Variants in RC3H1 observed in about 807,000 individuals in gnomAD.
RC3H1 encodes roquin-1.
In RC3H1, 50 loss-of-function variants were observed where a neutral mutation model predicts 138.2. The observed-to-expected ratio is 0.36, with a 90% CI of 0.29 to 0.46. The LOEUF (loss-of-function observed/expected upper bound fraction) is 0.46. Ranked by LOEUF, RC3H1 falls within the 20% of genes least tolerant of loss-of-function variation. The pLI, the probability that RC3H1 is intolerant of heterozygous loss-of-function variation, is 1.00. For synonymous variants in RC3H1, 462 were observed against 489.1 expected, an observed-to-expected ratio of 0.94 and a Z score of 0.73; for missense variants, 1,031 against 1,388.1, an observed-to-expected ratio of 0.74 and a Z score of 4.09.
In RC3H1 at chr1:173,938,818, T is replaced by C; in HGVS notation, c.3305A>G (p.Asn1102Ser). The C allele has an allele frequency of 1.2e-6, 2 of 1,613,812 alleles. No individual in the cohort carries two copies. Among genetic ancestry groups the C allele is most frequent in the Middle Eastern group, 1.7e-4 (1 of 6,058 alleles). The part of the protein sequence containing the change: ...LTQENISLLS[N>S]KTSSLNLSED... ...TGACAGGTTCAGAGAGCTGGTCTTGTTTGATAGGAGGCTGATATTCTCTTG... is the reference window on the plus strand; with the variant it reads ...TGACAGGTTCAGAGAGCTGGTCTTGCTTGATAGGAGGCTGATATTCTCTTG... Residue 1102 changes from asparagine to serine, a missense_variant, in exon 20 of 20, where the codon AAC (asparagine) becomes AGC (serine). Physicochemically the swap from Asn to Ser is conservative, Grantham distance 46. This residue lies in a region of RC3H1 where 716 missense variants were observed against 837.9 expected (regional missense o/e 0.85). Coordinates refer to ENST00000367696, the MANE Select transcript of RC3H1 (RefSeq NM_172071.4).
chr1:174,013,599 G>A (rs1661808029), intron 1 of RC3H1, among the ~76,000 whole-genome samples: 1 of 151,846 alleles, frequency 6.6e-6, no homozygotes, highest in African/African-American at 2.4e-5. Context: ...ACACCACCAC[G>A]TGTGGCTAAT....
At position 173,961,259 on chromosome 1, in the gene RC3H1, A is replaced by T; in HGVS notation, c.2203-15T>A. On this transcript the variant is annotated splice_polypyrimidine_tract_variant and intron_variant, in intron 12 of 19. Transcript: ENST00000367696. The stretch of plus-strand genomic sequence containing the variant: ...TAAGGAGGTTCCTAAAAATAGAAAG[A>T]TTAGTTAAAATTGAAAGAGAATTTC... 5 of 1,597,238 alleles carry T rather than the reference A, an allele frequency of 3.1e-6. No homozygotes were observed. Among genetic ancestry groups the T allele is most frequent in the Non-Finnish European group, 4.3e-6 (5 of 1,172,914 alleles).
intron 7 of RC3H1, among the ~76,000 whole-genome samples, chr1:173,974,843 G>A (rs1660508294): frequency 6.6e-6 from 1 of 152,174 alleles, no homozygotes; most frequent in Non-Finnish European, 1.5e-5. Flanking sequence ...CAGACAACAG[G>A]AGGCTATTCC....
chr1:173,954,931 A>G (rs1306190490), intron 13 of RC3H1, among the ~76,000 whole-genome samples: 1 of 152,130 alleles, frequency 6.6e-6, no homozygotes, highest in Non-Finnish European at 1.5e-5. Flanking sequence ...AGGAAGAAAG[A>G]AACCACAATC....
At chr1:173,972,743 G>A (rs1386455963) in intron 7 of RC3H1, 116 bp from the exon 8 acceptor site, 8 of 683,220 alleles carry the variant, frequency 1.2e-5, no homozygotes, top group Admixed American at 2.3e-5. Context: ...TCACACCTTA[G>A]CTTTTTAGAT....
intron 7 of RC3H1, among the ~76,000 whole-genome samples, chr1:173,972,944 T>A (rs1352607373): frequency 6.6e-6 from 1 of 152,240 alleles, no homozygotes; most frequent in Non-Finnish European, 1.5e-5. Flanking sequence ...ACTGCTGAAC[T>A]GGGGAGCATG....
intron 2 of RC3H1, among the ~76,000 whole-genome samples, chr1:173,990,118 C>A (rs1211012943): frequency 6.6e-6 from 1 of 151,166 alleles, no homozygotes; most frequent in Non-Finnish European, 1.5e-5. Flanking sequence ...CGCTCTGTCA[C>A]CCAGGTTGGA....
intron 11 of RC3H1, among the ~76,000 whole-genome samples, chr1:173,963,191 C>T (rs1158002801): frequency 5.9e-5 from 9 of 152,110 alleles, no homozygotes; most frequent in African/African-American, 2.2e-4. Context: ...CCTTCTTCTC[C>T]TTTCCCACCA....
At chr1:173,939,408 C>T in intron 19 of RC3H1, among the ~76,000 whole-genome samples, 1 of 151,160 alleles carries the variant, frequency 6.6e-6, no homozygotes, top group South Asian at 2.1e-4. Context: ...TGGTGTGTGC[C>T]TGTAAAAACC....
At chr1:173,942,447 A>G (rs1197275887) in intron 18 of RC3H1, among the ~76,000 whole-genome samples, 8 of 149,480 alleles carry the variant, frequency 5.4e-5, no homozygotes, top group South Asian at 4.2e-4. Flanking sequence ...AAAAAAAAAA[A>G]AAAGAAAAGA....
intron 2 of RC3H1, 61 bp from the exon 3 acceptor site, chr1:173,984,680 T>G: frequency 1.3e-6 from 2 of 1,555,054 alleles, no homozygotes; most frequent in Non-Finnish European, 1.7e-6. Flanking sequence ...TTATTTAGTA[T>G]AGTTTATGCA....
At chr1:173,978,443 C>T (rs138760451) in intron 7 of RC3H1, 45 bp downstream of exon 7, 304 of 1,590,698 alleles carry the variant, frequency 1.9e-4, no homozygotes, top group Middle Eastern at 3.3e-4. Flanking sequence ...TTGAGCAGCA[C>T]GAAAGGCACA....
intron 2 of RC3H1, 69 bp from the exon 3 acceptor site, chr1:173,984,688 G>C: frequency 6.7e-7 from 1 of 1,498,428 alleles, no homozygotes; most frequent in Non-Finnish European, 9.0e-7. Context: ...TATAGTTTAT[G>C]CACTCATAAT....
intron 9 of RC3H1, among the ~76,000 whole-genome samples, chr1:173,967,871 T>A (rs897717411): frequency 6.6e-6 from 1 of 151,920 alleles, no homozygotes; most frequent in Admixed American, 6.5e-5. Context: ...TTTCCTTATT[T>A]AACAACTAAA....
In RC3H1 at chr1:173,998,383, T is replaced by C. The variant is rs12568062; in HGVS notation, c.-150-5248A>G. ...TGATTAGTTTCCCCACCAGTTTAAA[T>C]AAGGACACCTCTCCTACAAAAATGA... On this transcript the variant is annotated intron_variant, in intron 1 of 19. Transcript: ENST00000367696. Among the ~76,000 whole-genome samples, 50 of 152,274 alleles carry C rather than the reference T, an allele frequency of 3.3e-4. 1 individual carries two copies. In the East Asian group the frequency reaches 7.9e-3, roughly 24 times the overall value.
At chr1:174,006,274 T>C (rs1661651611) in intron 1 of RC3H1, among the ~76,000 whole-genome samples, 1 of 152,182 alleles carries the variant, frequency 6.6e-6, no homozygotes, top group Non-Finnish European at 1.5e-5. Flanking sequence ...AGGTTGGTCA[T>C]CTTCAGCAAG....
At chr1:173,939,443 A>C (rs1206453154) in intron 19 of RC3H1, among the ~76,000 whole-genome samples, 2 of 150,892 alleles carry the variant, frequency 1.3e-5, no homozygotes, top group Non-Finnish European at 2.9e-5. Context: ...AGGCACAAGA[A>C]TCACTTGAAC....
chr1:173,941,580 G>A (rs2102842493), intron 18 of RC3H1, 200 bp from the exon 19 acceptor site: 4 of 446,424 alleles, frequency 9.0e-6, no homozygotes, highest in Non-Finnish European at 1.6e-5. Context: ...AACCAAGCTG[G>A]ACAATAAGAC....
chr1:173,942,174 AGAG>A (rs1658901234), intron 18 of RC3H1, among the ~76,000 whole-genome samples: 1 of 151,082 alleles, frequency 6.6e-6, no homozygotes, highest in Non-Finnish European at 1.5e-5. Flanking sequence ...CCCAGGAGGC[AGAG>A]GTTGCAGCGA....
Sources: gnomAD v4.1 joint callset for allele counts (sites outside exome capture counted in the v4.1 genomes callset) on GRCh38, gnomAD v4.1.1 for gene constraint, gnomAD v4.1.1 regional missense constraint, MANE v1.5 for transcripts, NCBI Gene and HGNC (gene_info 2026-07-23, HGNC 2026-07-21) for gene names.